MRPL27: variants seen among roughly 807,000 people sequenced by gnomAD.
MRPL27 encodes the protein mitochondrial ribosomal protein L27.
A neutral mutation model predicts 14.6 loss-of-function variants in MRPL27; 4 were observed. The observed-to-expected ratio is 0.27, with a 90% CI of 0.14 to 0.63. The LOEUF is 0.63. Among genes scored for constraint, MRPL27 ranks in the 20% least tolerant of loss-of-function variants. MRPL27 has a pLI of 0.85. For synonymous variants in MRPL27, 82 were observed against 75.5 expected, an observed-to-expected ratio of 1.09 and a Z score of -0.45; for missense variants, 196 against 192.8, an observed-to-expected ratio of 1.02 and a Z score of -0.10.
intron 1 of MRPL27, among the ~76,000 whole-genome samples, chr17:50,372,404 C>G (rs767413441): frequency 3.9e-5 from 6 of 152,166 alleles, no homozygotes; most frequent in Non-Finnish European, 5.9e-5. Flanking sequence ...CGCCACTACA[C>G]CCAGCTAATT....
chr17:50,372,951 C>A, intron 1 of MRPL27, 180 bp downstream of exon 1: 1 of 802,224 alleles, frequency 1.2e-6, no homozygotes, highest in Non-Finnish European at 1.9e-6. Flanking sequence ...CCCTCACTCA[C>A]GGCTCCACCC....
At chr17:50,369,022 A>C in intron 3 of MRPL27, 2 of 610,796 alleles carry the variant, frequency 3.3e-6, no homozygotes, top group Middle Eastern at 3.6e-4. Flanking sequence ...TCTCTGATTA[A>C]AAGAATGGGC....
intron 1 of MRPL27, 125 bp from the exon 2 acceptor site, chr17:50,370,711 G>T: frequency 3.0e-6 from 4 of 1,329,880 alleles, no homozygotes; most frequent in South Asian, 1.3e-5. Flanking sequence ...GAGCAGAAGT[G>T]CCACTGAGTG....
intron 3 of MRPL27, chr17:50,369,374 T>C (rs962067800): frequency 7.9e-6 from 1 of 127,224 alleles, no homozygotes; most frequent in Admixed American, 9.1e-5. Context: ...TTGTACCTAC[T>C]AAAATTATCG....
At chr17:50,371,932 G>A (rs1383326176) in intron 1 of MRPL27, among the ~76,000 whole-genome samples, 4 of 152,118 alleles carry the variant, frequency 2.6e-5, no homozygotes, top group Non-Finnish European at 5.9e-5. Flanking sequence ...CAGTTGCTTA[G>A]GCAGAAACCA....
chr17:50,373,064 T>G, intron 1 of MRPL27, 67 bp downstream of exon 1: 1 of 1,606,360 alleles, frequency 6.2e-7, no homozygotes, highest in South Asian at 1.1e-5. Flanking sequence ...GTCACCTCCT[T>G]CCCTCCCTGC....
chr17:50,368,023 C>G lies in MRPL27; in HGVS notation c.*69G>C. The G allele has an allele frequency of 6.4e-7, 1 of 1,572,046 alleles. No homozygotes were observed. Among genetic ancestry groups the G allele is most frequent in the South Asian group, 1.1e-5 (1 of 87,318 alleles). On this transcript the variant is annotated 3_prime_UTR_variant, in exon 4 of 4. Coordinates refer to ENST00000225969, the MANE Select transcript of MRPL27 (RefSeq NM_016504.3). ...GGGAGGCCGTGTCGCCACCCCAACC[C>G]TTGACTTCTGGTATCACCATCTCCT...
At chr17:50,370,421 C>T (rs1448083156) in intron 2 of MRPL27, 34 bp downstream of exon 2, 1 of 1,613,368 alleles carries the variant, frequency 6.2e-7, no homozygotes, top group Non-Finnish European at 8.5e-7. Context: ...GGACAGGGTG[C>T]AGCTAGGAAG....
At chr17:50,368,673 T>G (rs1454908117) in intron 3 of MRPL27, 6 of 595,542 alleles carry the variant, frequency 1.0e-5, no homozygotes, top group Non-Finnish European at 1.8e-5. Flanking sequence ...AACACTAGTT[T>G]GATGTAAATT....
At chr17:50,373,088 T>C in intron 1 of MRPL27, 43 bp downstream of exon 1, 1 of 1,613,156 alleles carries the variant, frequency 6.2e-7, no homozygotes, top group Non-Finnish European at 8.5e-7. Context: ...AGCTCCACTC[T>C]GCCTCCCCGC....
chr17:50,372,255 TGG>T (rs1363281205), intron 1 of MRPL27, among the ~76,000 whole-genome samples: 21 of 120,536 alleles, frequency 1.7e-4, no homozygotes, highest in African/African-American at 5.7e-4. Flanking sequence ...CTTTTTTTTT[TGG>T]GGGGGGGGGA....
chr17:50,372,732 T>C (rs904248618), intron 1 of MRPL27: 20 of 244,486 alleles, frequency 8.2e-5, no homozygotes, highest in Non-Finnish European at 1.5e-4. Flanking sequence ...AGCCAAGTCT[T>C]CACGTTTTCT....
intron 1 of MRPL27, among the ~76,000 whole-genome samples, chr17:50,371,639 A>G (rs1171383291): frequency 6.6e-6 from 1 of 152,160 alleles, no homozygotes; most frequent in Non-Finnish European, 1.5e-5. Context: ...GGGTCTCTGG[A>G]GCCTATAAGT....
At chr17:50,369,124 C>T (rs916508124) in intron 3 of MRPL27, 8 of 475,132 alleles carry the variant, frequency 1.7e-5, no homozygotes, top group South Asian at 3.3e-5. Flanking sequence ...TCTATTTTTT[C>T]GTCTGTCAAA....
At chr17:50,369,871 G>A in intron 3 of MRPL27, 161 bp downstream of exon 3, 1 of 824,606 alleles carries the variant, frequency 1.2e-6, no homozygotes, top group Non-Finnish European at 2.0e-6. Context: ...TTACTTACAG[G>A]GATGTGGTAA....
rs774976074 is a variant in MRPL27, at chr17:50,368,138, A to G, written c.401T>C (p.Val134Ala). ...AVLYKTFVHVVPAKPEGTFKL... is the reference protein window; with the variant it reads ...AVLYKTFVHVAPAKPEGTFKL... Reference sequence around the variant, plus strand: ...GAAGGTGCCCTCAGGCTTGGCAGGAACCACGTGGACAAAAGTCTTGTAGAG... The same window carrying G: ...GAAGGTGCCCTCAGGCTTGGCAGGAGCCACGTGGACAAAAGTCTTGTAGAG... Residue 134 changes from valine to alanine, a missense_variant, in exon 4 of 4, where the codon GTT becomes GCT. Val to Ala is a moderately conservative substitution (Grantham distance 64, BLOSUM62 0). Transcript: ENST00000225969. 6.2e-7 allele frequency: 1 copy of G among 1,613,724 alleles called. No individual in the cohort carries two copies. The highest frequency in any genetic ancestry group is 1.7e-5 in the Admixed American group (1 of 60,020).
chr17:50,368,941 C>T (rs975286183), intron 3 of MRPL27: 6 of 687,236 alleles, frequency 8.7e-6, no homozygotes, highest in African/African-American at 1.8e-5. Flanking sequence ...TATTTTTTAG[C>T]TTTTTCTTTT....
rs1297632088 is a variant in MRPL27 at position 50,368,033 on chromosome 17, G to C, written c.*59C>G. ...GTCGCCACCCCAACCCTTGACTTCT[G>C]GTATCACCATCTCCTGTCACCTGGG... On this transcript the variant is annotated 3_prime_UTR_variant, in exon 4 of 4. Transcript: ENST00000225969. 1.3e-6 allele frequency: 2 copies of C among 1,587,158 alleles called. No homozygotes were observed. The highest frequency in any genetic ancestry group is 2.2e-5 in the East Asian group (1 of 44,696).
At chr17:50,368,349 G>A (rs373049296) in intron 3 of MRPL27, 51 bp from the exon 4 acceptor site, 20 of 1,579,540 alleles carry the variant, frequency 1.3e-5, no homozygotes, top group Middle Eastern at 1.7e-4. Context: ...GAGGTGGTCC[G>A]TCCCAGAATT....
Sources: allele counts gnomAD v4.1 joint callset (sites outside exome capture counted in the v4.1 genomes callset), GRCh38; gene constraint gnomAD v4.1.1; transcripts MANE v1.5; gene names NCBI Gene and HGNC (gene_info 2026-07-23, HGNC 2026-07-21).